TPST1: variants seen among roughly 807,000 people sequenced by gnomAD.
The protein encoded by TPST1 is protein-tyrosine sulfotransferase 1.
Under a neutral mutation model 34.8 loss-of-function variants are expected in TPST1, and 20 were observed. That is an observed-to-expected ratio of 0.57 (90% CI 0.40 to 0.84). TPST1 has a LOEUF of 0.84. Among genes scored for constraint, TPST1 ranks in the 40% least tolerant of loss-of-function variants. The probability of loss-of-function intolerance (pLI) is 0.00; values close to 1 mark genes in which losing one functional copy is unlikely to be tolerated. For synonymous variants in TPST1, 152 were observed against 159.4 expected, an observed-to-expected ratio of 0.95 and a Z score of 0.35; for missense variants, 353 against 455.5, an observed-to-expected ratio of 0.78 and a Z score of 2.05.
chr7:66,301,828 G>T (rs2116046330), intron 3 of TPST1, among the ~76,000 whole-genome samples: 1 of 152,274 alleles, frequency 6.6e-6, no homozygotes, highest in East Asian at 1.9e-4. Flanking sequence ...ATACAATAAT[G>T]AAGAAGCTTC....
intron 1 of TPST1, among the ~76,000 whole-genome samples, chr7:66,213,310 G>A (rs754118890): frequency 1.3e-5 from 2 of 151,874 alleles, no homozygotes. Flanking sequence ...ATTCTTACCT[G>A]TGTTATATTC....
At chr7:66,221,758 T>C (rs1789548495) in intron 1 of TPST1, 2 of 152,228 alleles carry the variant, frequency 1.3e-5, no homozygotes, top group South Asian at 4.1e-4. Flanking sequence ...TTTTAAAATC[T>C]GGGCTTTTCT....
intron 3 of TPST1, among the ~76,000 whole-genome samples, chr7:66,309,682 A>G (rs936462426): frequency 2.0e-5 from 3 of 152,218 alleles, no homozygotes; most frequent in Non-Finnish European, 4.4e-5. Context: ...GACACTGCTG[A>G]CTGCTTGTTC....
At chr7:66,307,354 G>A (rs1053933372) in intron 3 of TPST1, among the ~76,000 whole-genome samples, 4 of 150,434 alleles carry the variant, frequency 2.7e-5, no homozygotes, top group African/African-American at 4.9e-5. Flanking sequence ...TCTTGACTTC[G>A]TGATCCGCCC....
At chr7:66,344,453 C>G (rs1792301268) in intron 3 of TPST1, 1 of 152,224 alleles carries the variant, frequency 6.6e-6, no homozygotes, top group Admixed American at 6.5e-5. Context: ...CACTCTTTCA[C>G]CTGAGCTGTA....
chr7:66,230,946 C>A (rs1789773151), intron 1 of TPST1, among the ~76,000 whole-genome samples: 1 of 152,090 alleles, frequency 6.6e-6, no homozygotes, highest in African/African-American at 2.4e-5. Context: ...TCTCCAAGGC[C>A]CCACCAGAGC....
chr7:66,349,901 A>G (rs1792437948), intron 3 of TPST1, among the ~76,000 whole-genome samples: 1 of 152,218 alleles, frequency 6.6e-6, no homozygotes. Context: ...CCCACAGACA[A>G]TAGGCAGGCA....
chr7:66,350,764 G>A (rs1165037332), intron 3 of TPST1, among the ~76,000 whole-genome samples: 1 of 152,102 alleles, frequency 6.6e-6, no homozygotes, highest in Admixed American at 6.5e-5. Context: ...CGCGATTCCG[G>A]TGGTTATCAA....
chr7:66,235,159 A>G lies in TPST1; in HGVS notation c.-101-5166A>G, dbSNP rs1301527255. Reference sequence around the variant, plus strand: ...TATCATCTTAAGTGTGTCTTTTAACATAATGGATGCAATGTTCTGCATAGA... The same window carrying G: ...TATCATCTTAAGTGTGTCTTTTAACGTAATGGATGCAATGTTCTGCATAGA... On this transcript the variant is annotated intron_variant, in intron 1 of 5. Coordinates refer to ENST00000304842, the MANE Select transcript of TPST1 (RefSeq NM_003596.4). 8.0e-5 allele frequency among the ~76,000 whole-genome samples: 12 copies of G among 149,732 alleles called. 1 individual carries two copies. The East Asian group carries it at 2.2e-3, about 27-fold the overall frequency.
chr7:66,235,184 ATTT>A (rs767189278), intron 1 of TPST1, among the ~76,000 whole-genome samples: 3 of 129,812 alleles, frequency 2.3e-5, no homozygotes, highest in Admixed American at 1.6e-4. Context: ...TTCTGCATAG[ATTT>A]TTTTTTTTTT....
chr7:66,323,934 G>T (rs141543796), intron 3 of TPST1, among the ~76,000 whole-genome samples: 1 of 152,312 alleles, frequency 6.6e-6, no homozygotes. Flanking sequence ...ACAGATATTT[G>T]TGCACCAGTG....
intron 2 of TPST1, among the ~76,000 whole-genome samples, chr7:66,253,706 A>G (rs1037411815): frequency 2.6e-5 from 4 of 151,698 alleles, no homozygotes; most frequent in Non-Finnish European, 2.9e-5. Flanking sequence ...TCCTAATGCC[A>G]TATACCACTC....
intron 1 of TPST1, among the ~76,000 whole-genome samples, chr7:66,239,067 T>C (rs945866195): frequency 3.3e-5 from 5 of 152,244 alleles, no homozygotes; most frequent in Non-Finnish European, 7.3e-5. Context: ...TTTCCTAAAC[T>C]TCTTCCTGTC....
chr7:66,277,427 A>G (rs893077558), intron 2 of TPST1, among the ~76,000 whole-genome samples: 1 of 151,888 alleles, frequency 6.6e-6, no homozygotes, highest in African/African-American at 2.4e-5. Flanking sequence ...CCATGAGGGG[A>G]TTGTGGTTAC....
At position 66,240,590 on chromosome 7, in the gene TPST1, G is replaced by A. The variant is rs1388815553; in HGVS notation, c.165G>A (p.Leu55=). 1.2e-5 allele frequency: 20 copies of A among 1,614,132 alleles called. No individual in the cohort carries two copies. The highest frequency in any genetic ancestry group is 8.3e-5 in the Admixed American group (5 of 60,012). The change falls in exon 2 of 6, where the codon CTG becomes CTA. Residue 55 remains leucine (L), a synonymous_variant. Transcript: ENST00000304842. The part of the protein sequence containing the change: ...ESTRTTVRTG[L]DLKANKTFAY... ...CAAGGACCACTGTGAGAACTGGCCT[G>A]GACCTCAAAGCCAACAAAACCTTTG...
chr7:66,318,364 G>A (rs1214702240), intron 3 of TPST1, among the ~76,000 whole-genome samples: 4 of 151,736 alleles, frequency 2.6e-5, no homozygotes, highest in Non-Finnish European at 5.9e-5. Flanking sequence ...ACAGTATTAT[G>A]TTTATGTATA....
intron 5 of TPST1, among the ~76,000 whole-genome samples, chr7:66,357,570 C>T (rs951781127): frequency 6.6e-6 from 1 of 152,198 alleles, no homozygotes; most frequent in African/African-American, 2.4e-5. Flanking sequence ...CTTTTTCTAT[C>T]TGAGTATGTG....
intron 2 of TPST1, among the ~76,000 whole-genome samples, chr7:66,279,381 C>G (rs946399871): frequency 6.6e-6 from 1 of 152,064 alleles, no homozygotes; most frequent in Non-Finnish European, 1.5e-5. Context: ...AACAGTGTTG[C>G]GATGAACATA....
chr7:66,328,906 ATTTTTTTTTT>A (rs1172711561), intron 3 of TPST1, among the ~76,000 whole-genome samples: 1 of 13,158 alleles, frequency 7.6e-5, no homozygotes, highest in Non-Finnish European at 1.2e-4. Flanking sequence ...ATATATATAT[ATTTTTTTTTT>A]TTTTTTTTTT....
Sources: allele counts gnomAD v4.1 joint callset (sites outside exome capture counted in the v4.1 genomes callset), GRCh38; gene constraint gnomAD v4.1.1; transcripts MANE v1.5; gene names NCBI Gene and HGNC (gene_info 2026-07-23, HGNC 2026-07-21).